MAP4K5: variants seen among roughly 807,000 people sequenced by gnomAD.
MAP4K5 encodes the protein mitogen-activated protein kinase kinase kinase kinase 5.
A neutral mutation model predicts 135.6 loss-of-function variants in MAP4K5; 82 were observed. That is an observed-to-expected ratio of 0.60 (90% CI 0.51 to 0.73). MAP4K5 has a LOEUF of 0.73. Ranked by LOEUF, MAP4K5 falls within the 30% of genes least tolerant of loss-of-function variation. MAP4K5 has a pLI of 0.00. For synonymous variants in MAP4K5, 347 were observed against 335.0 expected, an observed-to-expected ratio of 1.04 and a Z score of -0.39; for missense variants, 907 against 1,010.9, an observed-to-expected ratio of 0.90 and a Z score of 1.39.
chr14:50,520,907 C>T (rs369452780), intron 2 of MAP4K5, among the ~76,000 whole-genome samples: 10 of 151,314 alleles, frequency 6.6e-5, no homozygotes, highest in East Asian at 5.8e-4. Flanking sequence ...ACCGCAACCT[C>T]CACCTCCCAG....
intron 25 of MAP4K5, 105 bp from the exon 26 acceptor site, chr14:50,437,639 G>C: frequency 1.3e-6 from 1 of 783,080 alleles, no homozygotes; most frequent in Non-Finnish European, 2.0e-6. Context: ...TTAAAAAACT[G>C]TCTTGGATCC....
intron 2 of MAP4K5, among the ~76,000 whole-genome samples, chr14:50,518,358 T>C (rs922467382): frequency 6.6e-6 from 1 of 152,168 alleles, no homozygotes; most frequent in Non-Finnish European, 1.5e-5. Context: ...GGTGGTTTGC[T>C]GCACCTATCG....
intron 2 of MAP4K5, among the ~76,000 whole-genome samples, chr14:50,525,176 C>G (rs2038236370): frequency 6.6e-6 from 1 of 152,132 alleles, no homozygotes; most frequent in African/African-American, 2.4e-5. Flanking sequence ...GCCAGAGGTG[C>G]ATTTCCTACC....
intron 1 of MAP4K5, among the ~76,000 whole-genome samples, chr14:50,552,851 A>G (rs1254513301): frequency 1.3e-5 from 2 of 152,218 alleles, no homozygotes; most frequent in African/African-American, 4.8e-5. Flanking sequence ...ACCTTATAGA[A>G]AAATCAACTC....
At position 50,440,450 on chromosome 14, in the gene MAP4K5, G is replaced by A. The variant is rs1271978741; in HGVS notation, c.1565-9C>T. 7.0e-7 allele frequency: 1 copy of A among 1,436,482 alleles called. No homozygotes were observed. The highest frequency in any genetic ancestry group is 9.6e-7 in the Non-Finnish European group (1 of 1,042,584). 89.0% of individuals were successfully genotyped at this position (1,436,482 alleles called of 1,614,324 possible). On this transcript the variant is annotated splice_polypyrimidine_tract_variant and intron_variant, in intron 21 of 32. Coordinates refer to ENST00000682126, the MANE Select transcript of MAP4K5 (RefSeq NM_006575.6). ...AAAAATAATGTACTGATCTAAAATA[G>A]TTGAGATAAATCACCAGAATTTACC... is the stretch of plus-strand genomic sequence containing the variant.
chr14:50,462,637 A>G, intron 13 of MAP4K5, 28 bp downstream of exon 13: 1 of 1,471,144 alleles, frequency 6.8e-7, no homozygotes, highest in Non-Finnish European at 9.4e-7. Context: ...ATTTATTTTC[A>G]ACTATGAGAC....
At chr14:50,488,235 T>A (rs1324304267) in intron 3 of MAP4K5, among the ~76,000 whole-genome samples, 1 of 152,050 alleles carries the variant, frequency 6.6e-6, no homozygotes, top group African/African-American at 2.4e-5. Context: ...TCAGATCTCA[T>A]GAGAACTCAC....
At chr14:50,455,810 A>G in intron 14 of MAP4K5, among the ~76,000 whole-genome samples, 1 of 152,256 alleles carries the variant, frequency 6.6e-6, no homozygotes, top group Middle Eastern at 3.4e-3. Context: ...AATCTCTCAG[A>G]ACAAGTATTC....
At chr14:50,421,040 T>G (rs2035718331) in intron 32 of MAP4K5, among the ~76,000 whole-genome samples, 1 of 152,234 alleles carries the variant, frequency 6.6e-6, no homozygotes, top group East Asian at 1.9e-4. Context: ...TTCTAGTGTA[T>G]GAATTTTCTA....
chr14:50,463,905 A>G, intron 12 of MAP4K5, 147 bp downstream of exon 12: 1 of 32,692 alleles, frequency 3.1e-5, no homozygotes, highest in South Asian at 4.0e-4. Flanking sequence ...AAAAAAAAAA[A>G]AAAAAAAAAA....
intron 2 of MAP4K5, among the ~76,000 whole-genome samples, chr14:50,528,777 C>A (rs1367282311): frequency 3.3e-5 from 5 of 152,150 alleles, no homozygotes. Flanking sequence ...TTATTCTTTA[C>A]TGCAGGTATT....
chr14:50,505,354 A>G (rs976040857), intron 2 of MAP4K5, among the ~76,000 whole-genome samples: 2 of 152,102 alleles, frequency 1.3e-5, no homozygotes, highest in African/African-American at 4.8e-5. Context: ...ACATGATTAC[A>G]AATGCTGCCT....
intron 30 of MAP4K5, among the ~76,000 whole-genome samples, chr14:50,426,753 A>G (rs1307670824): frequency 6.6e-6 from 1 of 152,174 alleles, no homozygotes; most frequent in Non-Finnish European, 1.5e-5. Context: ...AAAATAAAAT[A>G]AAATAAACCT....
chr14:50,475,814 T>C (rs564256501), intron 8 of MAP4K5, among the ~76,000 whole-genome samples: 1 of 152,244 alleles, frequency 6.6e-6, no homozygotes, highest in Non-Finnish European at 1.5e-5. Flanking sequence ...TACACATTCA[T>C]AGATATCAAT....
intron 3 of MAP4K5, among the ~76,000 whole-genome samples, chr14:50,498,242 C>T (rs2037635491): frequency 6.6e-6 from 1 of 152,128 alleles, no homozygotes; most frequent in South Asian, 2.1e-4. Flanking sequence ...ATGAAAAATG[C>T]AACTAAAACT....
intron 2 of MAP4K5, among the ~76,000 whole-genome samples, chr14:50,515,465 C>G (rs1340328758): frequency 6.6e-6 from 1 of 152,156 alleles, no homozygotes; most frequent in Non-Finnish European, 1.5e-5. Context: ...TTATTTCTCT[C>G]AACTCCATAC....
intron 25 of MAP4K5, 121 bp downstream of exon 25, chr14:50,437,773 C>G (rs1438304454): frequency 1.4e-6 from 1 of 717,098 alleles, no homozygotes; most frequent in Non-Finnish European, 2.4e-6. Flanking sequence ...ATATAATACA[C>G]TTTAGTTTAA....
chr14:50,507,054 T>C lies in MAP4K5; in HGVS notation c.109-2197A>G, dbSNP rs75575125. On this transcript the variant is annotated intron_variant, in intron 2 of 32. Coordinates refer to ENST00000682126, the MANE Select transcript of MAP4K5 (RefSeq NM_006575.6). Reference sequence around the variant, plus strand: ...AAAATATGGCCAGAACAAGCAGTGATAATTGACTTCCTGGGCATATTGTTC... The same window carrying C: ...AAAATATGGCCAGAACAAGCAGTGACAATTGACTTCCTGGGCATATTGTTC... Among the ~76,000 whole-genome samples, 1,431 of 152,354 alleles carry C rather than the reference T, an allele frequency of 9.4e-3. 19 individuals carry two copies. Among genetic ancestry groups the C allele is most frequent in the African/African-American group, 0.032 (1,329 of 41,576 alleles).
chr14:50,443,040 A>G lies in MAP4K5; in HGVS notation c.1480-224T>C, dbSNP rs963276699. Among the ~76,000 whole-genome samples, 3 of 152,128 alleles carry G rather than the reference A, an allele frequency of 2.0e-5. No homozygotes were observed. The East Asian group carries it at 5.8e-4, about 29-fold the overall frequency. On this transcript the variant is annotated intron_variant, in intron 20 of 32. Coordinates refer to ENST00000682126, the MANE Select transcript of MAP4K5 (RefSeq NM_006575.6). ...CACTATTTTATGGCACAAATATCAA[A>G]TTTACCAAAAGATCTACATACATCA...
Sources: gnomAD v4.1 joint callset for allele counts (sites outside exome capture counted in the v4.1 genomes callset) on GRCh38, gnomAD v4.1.1 for gene constraint, MANE v1.5 for transcripts, NCBI Gene and HGNC (gene_info 2026-07-23, HGNC 2026-07-21) for gene names.